Variants in INTS6L observed in about 807,000 individuals in gnomAD.
The protein encoded by INTS6L is integrator complex subunit 6-like.
Under a neutral mutation model 64.7 loss-of-function variants are expected in INTS6L, and 18 were observed. That is an observed-to-expected ratio of 0.28 (90% CI 0.19 to 0.41). The LOEUF is 0.41. Ranked by LOEUF, INTS6L falls within the 10% of genes least tolerant of loss-of-function variation. The pLI is 1.00. For synonymous variants in INTS6L, 227 were observed against 235.9 expected, an observed-to-expected ratio of 0.96 and a Z score of 0.34; for missense variants, 533 against 661.0, an observed-to-expected ratio of 0.81 and a Z score of 2.12.
intron 2 of INTS6L, among the ~76,000 whole-genome samples, chrX:135,540,716 G>GCTCCTC (rs149159206): frequency 1.1e-3 from 110 of 97,327 alleles, no homozygotes; most frequent in African/African-American, 2.5e-3. Context: ...CCTCCTAGCT[G>GCTCCTC]CTCCTCCTCC....
At chrX:135,560,037 A>T (rs782551104) in intron 9 of INTS6L, among the ~76,000 whole-genome samples, 2 of 112,285 alleles carry the variant, frequency 1.8e-5, no homozygotes, top group Non-Finnish European at 3.8e-5. Context: ...TATCATAGAT[A>T]CTAGCCCTCT....
chrX:135,529,321 A>G (rs2085839552), intron 2 of INTS6L, among the ~76,000 whole-genome samples: 1 of 111,650 alleles, frequency 9.0e-6, no homozygotes, highest in African/African-American at 3.3e-5. Context: ...AACAAAGGGG[A>G]ATTTGTATCA....
intron 2 of INTS6L, among the ~76,000 whole-genome samples, chrX:135,528,876 C>CG (rs1219553456): frequency 9.3e-5 from 8 of 86,425 alleles, no homozygotes; most frequent in African/African-American, 1.7e-4. Flanking sequence ...ACCCCCCCCC[C>CG]CGACCCACCG....
chrX:135,556,107 G>C, intron 8 of INTS6L, 61 bp from the exon 9 acceptor site: 3 of 1,067,000 alleles, frequency 2.8e-6, no homozygotes, highest in Non-Finnish European at 3.7e-6. Context: ...TGTTACAATG[G>C]GTTTGGTTTG....
At position 135,543,050 on chromosome X, in the gene INTS6L, T is replaced by C. The variant is rs1402249463; in HGVS notation, c.190-2373T>C. On this transcript the variant is annotated intron_variant, in intron 2 of 17. Coordinates refer to ENST00000639893, the MANE Select transcript of INTS6L (RefSeq NM_001351601.3). The stretch of plus-strand genomic sequence containing the variant: ...AACCTCCTCTCCATCCCCACTGCCC[T>C]AACTCAGCCTTTCATCACTTTTCTC... 1.2e-4 allele frequency among the ~76,000 whole-genome samples: 13 copies of C among 111,542 alleles called. 1 individual carries two copies. The highest frequency in any genetic ancestry group is 2.4e-4 in the Non-Finnish European group (13 of 53,159).
intron 4 of INTS6L, 62 bp downstream of exon 4, chrX:135,546,531 G>C: frequency 9.9e-7 from 1 of 1,007,351 alleles, no homozygotes; most frequent in Non-Finnish European, 1.3e-6. Flanking sequence ...CTATTTCTGT[G>C]GGAGGCATTT....
chrX:135,547,552 T>C (rs1353802478), intron 6 of INTS6L, among the ~76,000 whole-genome samples: 1 of 112,368 alleles, frequency 8.9e-6, no homozygotes, highest in Non-Finnish European at 1.9e-5. Flanking sequence ...TTCACCTCTC[T>C]ATTCACAAAA....
At chrX:135,529,955 A>G (rs782284965) in intron 2 of INTS6L, among the ~76,000 whole-genome samples, 1 of 111,950 alleles carries the variant, frequency 8.9e-6, no homozygotes, top group African/African-American at 3.2e-5. Flanking sequence ...GAGGTTAAGT[A>G]ACACAGCCAG....
rs2087187677 is a variant in INTS6L, at chrX:135,575,069, C to A, written c.1742-15C>A. The A allele has an allele frequency of 8.3e-7, 1 of 1,207,029 alleles. No homozygotes were observed. The highest frequency in any genetic ancestry group is 1.1e-6 in the Non-Finnish European group (1 of 893,550). On this transcript the variant is annotated splice_polypyrimidine_tract_variant and intron_variant, in intron 13 of 17. Coordinates refer to ENST00000639893, the MANE Select transcript of INTS6L (RefSeq NM_001351601.3). The stretch of plus-strand genomic sequence containing the variant: ...TCAGCTATAAGCATCAATTTCTTTT[C>A]CTGTGATTTTGCAGATTCCCTTCAT...
At chrX:135,547,359 G>A (rs1233684911) in intron 6 of INTS6L, 94 bp downstream of exon 6, 10 of 951,088 alleles carry the variant, frequency 1.1e-5, no homozygotes, top group East Asian at 3.3e-5. Flanking sequence ...CACTATCCAC[G>A]TGCATTTGAG....
chrX:135,527,524 A>G (rs2085774035), intron 2 of INTS6L, among the ~76,000 whole-genome samples: 1 of 112,060 alleles, frequency 8.9e-6, no homozygotes, highest in Non-Finnish European at 1.9e-5. Flanking sequence ...ATTGGAGGTG[A>G]GGGAGGAGGA....
At chrX:135,526,117 A>G (rs782809215) in intron 2 of INTS6L, among the ~76,000 whole-genome samples, 34 of 111,492 alleles carry the variant, frequency 3.0e-4, no homozygotes, top group Middle Eastern at 4.3e-3. Context: ...TCTCGTATCC[A>G]TTCATTCTTA....
At chrX:135,552,931 G>T (rs1173155827) in intron 8 of INTS6L, among the ~76,000 whole-genome samples, 1 of 112,226 alleles carries the variant, frequency 8.9e-6, no homozygotes, top group Non-Finnish European at 1.9e-5. Context: ...CTCTATTTAT[G>T]CAAGGAACAC....
chrX:135,524,551 T>C (rs1408968215), intron 2 of INTS6L, among the ~76,000 whole-genome samples: 1 of 111,430 alleles, frequency 9.0e-6, no homozygotes, highest in African/African-American at 3.3e-5. Flanking sequence ...GTCTAAACAC[T>C]GTAAAATGAA....
intron 6 of INTS6L, among the ~76,000 whole-genome samples, chrX:135,548,040 T>G (rs1477692353): frequency 1.5e-5 from 1 of 68,165 alleles, no homozygotes; most frequent in Non-Finnish European, 2.8e-5. Flanking sequence ...TATGTAAATG[T>G]GTAAGTGTAT....
intron 9 of INTS6L, among the ~76,000 whole-genome samples, chrX:135,565,758 C>T (rs1556524570): frequency 8.9e-6 from 1 of 111,750 alleles, no homozygotes; most frequent in African/African-American, 3.3e-5. Flanking sequence ...AGTGGCATCA[C>T]CATGTCTATG....
chrX:135,526,277 GA>G (rs1372873031), intron 2 of INTS6L, among the ~76,000 whole-genome samples: 4 of 109,689 alleles, frequency 3.6e-5, no homozygotes, highest in South Asian at 3.9e-4. Context: ...ATTCCCCTAT[GA>G]AAAAAAAATC....
rs1397871408 is a variant in INTS6L at position 135,582,486 on chromosome X, C to T, written c.*850C>T. On this transcript the variant is annotated 3_prime_UTR_variant, in exon 18 of 18. Coordinates refer to ENST00000639893, the MANE Select transcript of INTS6L (RefSeq NM_001351601.3). ...TTGATTTTGCATATATAAAATAAAT[C>T]ATTTTATTGATTTTCACAAGTTCAT... 2 of 112,074 alleles carry T rather than the reference C, an allele frequency of 1.8e-5. No homozygotes were observed. Among genetic ancestry groups the T allele is most frequent in the African/African-American group, 6.5e-5 (2 of 30,807 alleles). 9.2% of individuals were successfully genotyped at this position (112,074 alleles called of 1,213,427 possible). A position where few individuals can be genotyped will look rare whatever the true frequency, so the allele number is the denominator to read the frequency against.
intron 2 of INTS6L, among the ~76,000 whole-genome samples, chrX:135,544,139 T>C (rs1385455297): frequency 3.6e-5 from 4 of 112,120 alleles, no homozygotes; most frequent in Non-Finnish European, 7.5e-5. Flanking sequence ...GATTATGATG[T>C]GAATGACTGC....
Sources: gnomAD v4.1 joint callset for allele counts (sites outside exome capture counted in the v4.1 genomes callset) on GRCh38, gnomAD v4.1.1 for gene constraint, MANE v1.5 for transcripts, NCBI Gene and HGNC (gene_info 2026-07-23, HGNC 2026-07-21) for gene names.